Variants in KCNJ4 observed in about 807,000 individuals in gnomAD.
The protein encoded by KCNJ4 is inward rectifier potassium channel 4.
KCNJ4 carries 3 observed loss-of-function variants against 25.6 expected under a neutral mutation model. That is an observed-to-expected ratio of 0.12 (90% CI 0.05 to 0.30). The LOEUF (loss-of-function observed/expected upper bound fraction) is 0.30. Among genes scored for constraint, KCNJ4 ranks in the 10% least tolerant of loss-of-function variants. The pLI is 1.00. For missense variants in KCNJ4, 286 were observed against 666.8 expected (o/e 0.43, Z 6.29); for synonymous variants, 257 against 283.9 (o/e 0.91, Z 0.95).
At chr22:38,451,267 C>T (rs997028515) in intron 1 of KCNJ4, among the ~76,000 whole-genome samples, 4 of 152,148 alleles carry the variant, frequency 2.6e-5, no homozygotes, top group African/African-American at 9.7e-5. Flanking sequence ...GGCAGGTGCT[C>T]ATCTGGCTCT....
chr22:38,436,051 G>A (rs572412424), intron 1 of KCNJ4, among the ~76,000 whole-genome samples: 2 of 152,300 alleles, frequency 1.3e-5, no homozygotes, highest in Non-Finnish European at 2.9e-5. Flanking sequence ...CCCGCCTGGT[G>A]CAGCAGCTTC....
chr22:38,429,964 A>C (rs559930157), intron 1 of KCNJ4, among the ~76,000 whole-genome samples: 1 of 152,308 alleles, frequency 6.6e-6, no homozygotes, highest in Non-Finnish European at 1.5e-5. Flanking sequence ...CAACGCTATA[A>C]TTTAGAGATC....
chr22:38,430,584 C>T (rs536509954), intron 1 of KCNJ4, among the ~76,000 whole-genome samples: 184 of 152,324 alleles, frequency 1.2e-3, no homozygotes, highest in Non-Finnish European at 2.2e-3. Flanking sequence ...CGGCCTCTAA[C>T]GTAATGCTGG....
Position 38,426,876 on chromosome 22 carries a change from G to T in KCNJ4, c.1257C>A (p.Phe419Leu). The T allele has an allele frequency of 1.2e-6, 2 of 1,613,332 alleles. No homozygotes were observed. Among genetic ancestry groups the T allele is most frequent in the Non-Finnish European group, 1.7e-6 (2 of 1,179,968 alleles). Residue 419 changes from phenylalanine (F) to leucine (L), a missense_variant, in exon 2 of 2, where the codon TTC becomes TTA. This residue lies in a region of KCNJ4 where 77 missense variants were observed against 97.6 expected (regional missense o/e 0.79). Transcript: ENST00000303592. Reference protein sequence around the residue: ...EEAGIIRMLEFGSHLDLERMQ... With the variant: ...EEAGIIRMLELGSHLDLERMQ... ...TGCGCTCCAGGTCCAGGTGGCTGCC[G>T]AACTCCAGCATCCGGATGATGCCCG...
At chr22:38,439,774 CAAAAA>C (rs112130946) in intron 1 of KCNJ4, among the ~76,000 whole-genome samples, 3 of 85,202 alleles carry the variant, frequency 3.5e-5, no homozygotes, top group Admixed American at 1.4e-4. Context: ...GACTCCATCT[CAAAAA>C]AAAAAAAAAA....
chr22:38,433,285 A>G (rs1435935150), intron 1 of KCNJ4, among the ~76,000 whole-genome samples: 1 of 151,984 alleles, frequency 6.6e-6, no homozygotes, highest in Non-Finnish European at 1.5e-5. Context: ...TGTTTCTACT[A>G]AAAATACAAA....
chr22:38,429,009 A>AG, intron 1 of KCNJ4, among the ~76,000 whole-genome samples: 1 of 149,856 alleles, frequency 6.7e-6, no homozygotes, highest in Middle Eastern at 3.4e-3. Context: ...TATTGAGCCC[A>AG]GGGGGTCAAG....
At chr22:38,430,594 G>A (rs546522142) in intron 1 of KCNJ4, among the ~76,000 whole-genome samples, 4 of 152,216 alleles carry the variant, frequency 2.6e-5, no homozygotes, top group African/African-American at 9.6e-5. Flanking sequence ...CGTAATGCTG[G>A]CCCTTCAGAG....
intron 1 of KCNJ4, among the ~76,000 whole-genome samples, chr22:38,445,066 TGTGTGTGC>T (rs752299343): frequency 2.0e-5 from 3 of 150,326 alleles, no homozygotes; most frequent in Admixed American, 6.6e-5. Context: ...CGTGCATGCG[TGTGTGTGC>T]GTGTGTGTGT....
At chr22:38,441,655 G>A (rs1386640600) in intron 1 of KCNJ4, among the ~76,000 whole-genome samples, 2 of 152,196 alleles carry the variant, frequency 1.3e-5, no homozygotes, top group Non-Finnish European at 2.9e-5. Flanking sequence ...AAGAAGTGGC[G>A]TGGGAGCAGG....
chr22:38,448,026 T>C (rs1042221162), intron 1 of KCNJ4, among the ~76,000 whole-genome samples: 1 of 140,632 alleles, frequency 7.1e-6, no homozygotes, highest in African/African-American at 2.7e-5. Flanking sequence ...ATTGCACCAC[T>C]GCACTCCAGC....
intron 1 of KCNJ4, among the ~76,000 whole-genome samples, chr22:38,444,217 G>A (rs1376236944): frequency 1.3e-5 from 2 of 152,184 alleles, no homozygotes; most frequent in East Asian, 1.9e-4. Flanking sequence ...ACTTCACCCC[G>A]ACTCCCAGAG....
intron 1 of KCNJ4, among the ~76,000 whole-genome samples, chr22:38,446,213 G>A (rs557020056): frequency 2.7e-4 from 41 of 152,362 alleles, no homozygotes; most frequent in Admixed American, 1.5e-3. Flanking sequence ...CCCGCCCGTG[G>A]CTGGCTGGCC....
At chr22:38,431,358 G>C (rs1202794701) in intron 1 of KCNJ4, among the ~76,000 whole-genome samples, 3 of 152,104 alleles carry the variant, frequency 2.0e-5, no homozygotes, top group African/African-American at 7.2e-5. Context: ...CCCCATTATC[G>C]AGTGCCCAGG....
intron 1 of KCNJ4, among the ~76,000 whole-genome samples, chr22:38,439,964 AC>A (rs961645151): frequency 4.7e-5 from 7 of 149,856 alleles, no homozygotes; most frequent in African/African-American, 1.7e-4. Flanking sequence ...GGTGGCGGGC[AC>A]CTGCAGTCCC....
Position 38,449,160 on chromosome 22 carries a change from G to A in KCNJ4, c.-40+5820C>T, listed in dbSNP as rs568554859. On this transcript the variant is annotated intron_variant, in intron 1 of 1. Coordinates refer to ENST00000303592, the MANE Select transcript of KCNJ4 (RefSeq NM_152868.3). This position sits in a 1 kb window ranked among gnomAD's most constrained non-coding sequence, Gnocchi z 5.2. ...TGGCCAGCAGCCACAGGGAGGAGTG[G>A]CTGAGCTGTTGCATGGAAGGAAAGG... Among the ~76,000 whole-genome samples, 1 of 152,296 alleles carries A rather than the reference G, an allele frequency of 6.6e-6. No individual in the cohort carries two copies. Among genetic ancestry groups the A allele is most frequent in the African/African-American group, 2.4e-5 (1 of 41,564 alleles).
intron 1 of KCNJ4, among the ~76,000 whole-genome samples, chr22:38,453,338 G>A (rs961745666): frequency 8.5e-5 from 13 of 152,176 alleles, no homozygotes; most frequent in African/African-American, 3.1e-4. Context: ...TCACCCAGCA[G>A]AAACTCAACC....
At chr22:38,446,962 A>C (rs1283008543) in intron 1 of KCNJ4, among the ~76,000 whole-genome samples, 1 of 151,906 alleles carries the variant, frequency 6.6e-6, no homozygotes, top group Non-Finnish European at 1.5e-5. Flanking sequence ...CTCAAAAAAA[A>C]AAAAAAAAGA....
intron 1 of KCNJ4, among the ~76,000 whole-genome samples, chr22:38,430,153 C>A (rs1159510985): frequency 6.6e-6 from 1 of 152,122 alleles, no homozygotes. Context: ...AGTCCTAGAT[C>A]CACTGTGTGA....
Sources: allele counts gnomAD v4.1 joint callset (sites outside exome capture counted in the v4.1 genomes callset), GRCh38; gene constraint gnomAD v4.1.1; regional missense constraint gnomAD v4.1.1; non-coding constraint Gnocchi (gnomAD v3.1); transcripts MANE v1.5; gene names NCBI Gene and HGNC (gene_info 2026-07-23, HGNC 2026-07-21).